Variants in DRC11 observed in about 807,000 individuals in gnomAD.
DRC11 encodes the protein dynein regulatory complex subunit 11.
At chr2:236,389,220 C>G in the DRC11 span, among the ~76,000 whole-genome samples, 12 of 152,186 alleles carry the variant, frequency 7.9e-5, no homozygotes, top group African/African-American at 2.9e-4. Flanking sequence ...GCTTTGTTTA[C>G]CTAATCAAGC....
chr2:236,491,824 G>A, the DRC11 span, among the ~76,000 whole-genome samples: 1 of 152,140 alleles, frequency 6.6e-6, no homozygotes, highest in Admixed American at 6.5e-5. Context: ...GCACAGGAAG[G>A]AGAGGTCATC....
At chr2:236,338,123 C>A in the DRC11 span, 1 of 1,429,074 alleles carries the variant, frequency 7.0e-7, no homozygotes, top group Non-Finnish European at 9.4e-7. Context: ...CCCACCGGGT[C>A]CAAGGGCCGC....
the DRC11 span, chr2:236,331,570 T>C: frequency 1.2e-6 from 2 of 1,613,748 alleles, no homozygotes; most frequent in Non-Finnish European, 1.7e-6. This position sits in a 1 kb window ranked among gnomAD's most constrained non-coding sequence, Gnocchi z 4.8. Context: ...GACTCCTCCA[T>C]TGCGTTCAAT....
the DRC11 span, among the ~76,000 whole-genome samples, chr2:236,378,263 C>G: frequency 1.3e-4 from 20 of 152,228 alleles, no homozygotes; most frequent in Admixed American, 4.6e-4. Context: ...CCATATATAT[C>G]AAGGAAGTAT....
chr2:236,441,737 G>A, the DRC11 span, among the ~76,000 whole-genome samples: 1 of 152,178 alleles, frequency 6.6e-6, no homozygotes, highest in African/African-American at 2.4e-5. Flanking sequence ...TTTATTGTAC[G>A]TAAGACTATC....
At chr2:236,358,277 A>C in the DRC11 span, among the ~76,000 whole-genome samples, 1 of 130,088 alleles carries the variant, frequency 7.7e-6, no homozygotes, top group Non-Finnish European at 1.6e-5. Context: ...TAATATATAG[A>C]TATATATACT....
the DRC11 span, among the ~76,000 whole-genome samples, chr2:236,458,796 A>G: frequency 1.3e-5 from 2 of 152,166 alleles, no homozygotes; most frequent in Non-Finnish European, 2.9e-5. Context: ...CTGTAATCCC[A>G]GCACTTTGGG....
the DRC11 span, among the ~76,000 whole-genome samples, chr2:236,432,684 A>G: frequency 6.6e-6 from 1 of 152,144 alleles, no homozygotes; most frequent in East Asian, 1.9e-4. Context: ...ACCCATCACA[A>G]ATAATTCTCT....
the DRC11 span, among the ~76,000 whole-genome samples, chr2:236,310,303 C>T: frequency 2.0e-5 from 3 of 152,272 alleles, no homozygotes; most frequent in East Asian, 5.8e-4. The surrounding 1 kb of genome is among the most constrained non-coding windows in gnomAD (Gnocchi z 5.5). Flanking sequence ...GAGGATGGCA[C>T]AGAAACATCT....
At chr2:236,449,812 C>T in the DRC11 span, among the ~76,000 whole-genome samples, 2 of 152,148 alleles carry the variant, frequency 1.3e-5, no homozygotes, top group African/African-American at 4.8e-5. The surrounding 1 kb of genome is among the most constrained non-coding windows in gnomAD (Gnocchi z 5.1). Context: ...AGTGTTTTGC[C>T]AGATGATGGA....
chr2:236,373,362 T>C, the DRC11 span, among the ~76,000 whole-genome samples: 1 of 151,930 alleles, frequency 6.6e-6, no homozygotes, highest in Non-Finnish European at 1.5e-5. Flanking sequence ...GCGATTCTCC[T>C]GCCTCAACCT....
At chr2:236,478,603 G>T in the DRC11 span, among the ~76,000 whole-genome samples, 1 of 152,156 alleles carries the variant, frequency 6.6e-6, no homozygotes, top group South Asian at 2.1e-4. The surrounding 1 kb of genome is among the most constrained non-coding windows in gnomAD (Gnocchi z 5.9). Context: ...TTTCTGTCTG[G>T]ATGATCTGTC....
At chr2:236,488,843 C>T in the DRC11 span, among the ~76,000 whole-genome samples, 2 of 152,124 alleles carry the variant, frequency 1.3e-5, no homozygotes, top group African/African-American at 2.4e-5. Context: ...CAAAGTTAGG[C>T]GAGGGGCTGT....
chr2:236,468,754 T>G, the DRC11 span, among the ~76,000 whole-genome samples: 1 of 152,228 alleles, frequency 6.6e-6, no homozygotes, highest in African/African-American at 2.4e-5. Context: ...TTCACGGAGA[T>G]GTTAAAATGG....
chr2:236,341,238 C>G, the DRC11 span, among the ~76,000 whole-genome samples: 4 of 152,218 alleles, frequency 2.6e-5, no homozygotes, highest in Admixed American at 6.5e-5. Flanking sequence ...GATGAAGTAA[C>G]AAAGGGTAAT....
At chr2:236,441,013 C>T in the DRC11 span, 5 of 1,311,106 alleles carry the variant, frequency 3.8e-6, no homozygotes, top group South Asian at 1.3e-5. Context: ...GATATATTTA[C>T]ATTTTATTTC....
At chr2:236,494,316 A>AT in the DRC11 span, among the ~76,000 whole-genome samples, 6 of 152,182 alleles carry the variant, frequency 3.9e-5, no homozygotes, top group African/African-American at 7.2e-5. The surrounding 1 kb of genome is among the most constrained non-coding windows in gnomAD (Gnocchi z 4.2). Flanking sequence ...AAATAGTCAC[A>AT]TTTTTTTCTA....
At chr2:236,331,731 A>G in the DRC11 span, 31 of 670,930 alleles carry the variant, frequency 4.6e-5, no homozygotes, top group African/African-American at 4.9e-4. This position sits in a 1 kb window ranked among gnomAD's most constrained non-coding sequence, Gnocchi z 4.8. Context: ...TTTGTAACTC[A>G]AATGAACCGA....
At chr2:236,357,428 C>A in the DRC11 span, among the ~76,000 whole-genome samples, 4 of 123,860 alleles carry the variant, frequency 3.2e-5, no homozygotes, top group Non-Finnish European at 6.2e-5. Context: ...AAATAATTTA[C>A]ATAGTATATG....
Sources: gnomAD v4.1 joint callset for allele counts (sites outside exome capture counted in the v4.1 genomes callset) on GRCh38, gnomAD v4.1.1 for gene constraint, Gnocchi (gnomAD v3.1) non-coding constraint, MANE v1.5 for transcripts, NCBI Gene and HGNC (gene_info 2026-07-23, HGNC 2026-07-21) for gene names.